The following C3orf49 variants were observed in gnomAD, a reference collection of about 807,000 sequenced individuals.
The protein encoded by C3orf49 is putative uncharacterized protein C3orf49.
Under a neutral mutation model 13.3 loss-of-function variants are expected in C3orf49, and 27 were observed. That is an observed-to-expected ratio of 2.02 (90% CI 1.49 to 2.79). The LOEUF (loss-of-function observed/expected upper bound fraction) is 2.79. Among genes scored for constraint, C3orf49 ranks in the 30% most tolerant of loss-of-function variants. The pLI is 0.00. For synonymous variants in C3orf49, 87 were observed against 47.6 expected (o/e 1.83, Z -3.40); for missense variants, 242 against 134.2 (o/e 1.80, Z -3.97).
At chr3:63,832,955 G>A (rs920885782) in intron 5 of C3orf49, 2 of 152,134 alleles carry the variant, frequency 1.3e-5, no homozygotes, top group African/African-American at 2.4e-5. Context: ...CATGCAAAGT[G>A]TCATGTTTCT....
the C3orf49 span, chr3:63,805,159 A>G: frequency 6.6e-6 from 1 of 152,170 alleles, no homozygotes. Context: ...GACTTTGGCA[A>G]TCTGTGTATA....
chr3:63,787,057 G>A, the C3orf49 span: 1 of 152,166 alleles, frequency 6.6e-6, no homozygotes. Flanking sequence ...AGAAGATTAA[G>A]CCCAGAAGAA....
At chr3:63,835,512 T>C in intron 5 of C3orf49, 2 of 743,726 alleles carry the variant, frequency 2.7e-6, no homozygotes, top group East Asian at 2.7e-5. Context: ...TAAGGAGTTA[T>C]AACACTCCAT....
At chr3:63,799,937 T>G in the C3orf49 span, among the ~76,000 whole-genome samples, 3 of 152,156 alleles carry the variant, frequency 2.0e-5, no homozygotes, top group Non-Finnish European at 2.9e-5. Context: ...TCTACCTGTG[T>G]ATAGCCAAGA....
At chr3:63,846,239 T>C (rs1042172021) in intron 6 of C3orf49, 4 of 450,850 alleles carry the variant, frequency 8.9e-6, no homozygotes, top group African/African-American at 8.0e-5. Flanking sequence ...AGTTAAACAG[T>C]TTCCTTATAA....
chr3:63,809,035 G>C, the C3orf49 span, among the ~76,000 whole-genome samples: 2 of 152,088 alleles, frequency 1.3e-5, no homozygotes, highest in African/African-American at 4.8e-5. Context: ...ATTTCATGAA[G>C]GTGGCTGCAA....
In C3orf49 at chr3:63,838,606, G is replaced by A. The variant is rs547896884; in HGVS notation, c.850-6417G>A. On this transcript the variant is annotated intron_variant, in intron 5 of 6. Transcript: ENST00000295896. ...CTAATTAAATTATAGCAAGTTCTGA[G>A]AGAATCATTTGCTTATTTAAAATTT... is the stretch of plus-strand genomic sequence containing the variant. 3.6e-6 allele frequency: 4 copies of A among 1,112,332 alleles called. No individual in the cohort carries two copies. The South Asian group carries it at 5.0e-5, about 14-fold the overall frequency. 68.9% of individuals were successfully genotyped at this position (1,112,332 alleles called of 1,614,324 possible). A position where few individuals can be genotyped will look rare whatever the true frequency, so the allele number is the denominator to read the frequency against.
intron 5 of C3orf49, among the ~76,000 whole-genome samples, chr3:63,841,262 T>C (rs1283006338): frequency 6.6e-6 from 1 of 152,224 alleles, no homozygotes; most frequent in East Asian, 1.9e-4. Flanking sequence ...AGACTATCCT[T>C]GGACAGATCC....
chr3:63,810,098 A>T, the C3orf49 span, among the ~76,000 whole-genome samples: 1 of 151,350 alleles, frequency 6.6e-6, no homozygotes, highest in African/African-American at 2.4e-5. Context: ...GTGAGCCGAG[A>T]TCACACCACT....
chr3:63,803,365 G>T, the C3orf49 span, among the ~76,000 whole-genome samples: 1 of 152,194 alleles, frequency 6.6e-6, no homozygotes, highest in African/African-American at 2.4e-5. Context: ...TGTGGGTCTT[G>T]AAATGTACAT....
At chr3:63,833,859 G>A (rs992399016) in intron 5 of C3orf49, 2 of 316,300 alleles carry the variant, frequency 6.3e-6, no homozygotes, top group Admixed American at 9.6e-5. Context: ...ATATTAATGA[G>A]CACAAACATA....
At chr3:63,821,087 C>A (rs1266858757) in intron 1 of C3orf49, among the ~76,000 whole-genome samples, 1 of 152,106 alleles carries the variant, frequency 6.6e-6, no homozygotes, top group Non-Finnish European at 1.5e-5. Flanking sequence ...CTTTTATTTT[C>A]ATAATTCTGA....
At chr3:63,812,624 C>T in the C3orf49 span, among the ~76,000 whole-genome samples, 466 of 152,106 alleles carry the variant, frequency 3.1e-3, 3 homozygotes, top group Admixed American at 5.0e-3. Context: ...CAGTTTGGCT[C>T]TTTTCCAATT....
intron 3 of C3orf49, among the ~76,000 whole-genome samples, chr3:63,829,138 C>G (rs537895568): frequency 8.2e-4 from 125 of 152,252 alleles, no homozygotes; most frequent in African/African-American, 2.7e-3. Context: ...TGCACTGATA[C>G]TAGTTTTGAA....
At chr3:63,843,826 G>A (rs759857067) in intron 5 of C3orf49, among the ~76,000 whole-genome samples, 8 of 152,164 alleles carry the variant, frequency 5.3e-5, no homozygotes, top group Middle Eastern at 3.4e-3. Context: ...GCGTGAACCC[G>A]GGAGGCGGAG....
chr3:63,819,007 C>T (rs1014999703), upstream of C3orf49, among the ~76,000 whole-genome samples: 1 of 152,208 alleles, frequency 6.6e-6, no homozygotes, highest in African/African-American at 2.4e-5. Flanking sequence ...TGTTAATCAG[C>T]GTATCGTTGG....
At chr3:63,804,089 C>T in the C3orf49 span, among the ~76,000 whole-genome samples, 2 of 151,932 alleles carry the variant, frequency 1.3e-5, no homozygotes, top group East Asian at 1.9e-4. Flanking sequence ...TGACAGGAGG[C>T]GGAGCTCAGG....
upstream of C3orf49, among the ~76,000 whole-genome samples, chr3:63,815,169 C>T (rs1701309854): frequency 6.6e-6 from 1 of 152,222 alleles, no homozygotes. Flanking sequence ...CACCAGGCCC[C>T]ACCTTCAACA....
rs1198643959 is a variant in C3orf49, at chr3:63,823,187, AT to A, written c.126-60del. ...CACATTTGAAGTTTGTGTTTTAATGATTTAAATTTTTCACTTTTAACTTTTC... is the reference window on the plus strand; with the variant it reads ...CACATTTGAAGTTTGTGTTTTAATGATTAAATTTTTCACTTTTAACTTTTC... On this transcript the variant is annotated intron_variant, in intron 1 of 6. Transcript: ENST00000295896. The A allele has an allele frequency of 8.3e-6, 5 of 601,212 alleles. No homozygotes were observed. In the African/African-American group the frequency reaches 9.3e-5, roughly 11 times the overall value. 37.2% of individuals were successfully genotyped at this position (601,212 alleles called of 1,614,324 possible).
Sources: allele counts gnomAD v4.1 joint callset (sites outside exome capture counted in the v4.1 genomes callset), GRCh38; gene constraint gnomAD v4.1.1; transcripts MANE v1.5; gene names NCBI Gene and HGNC (gene_info 2026-07-23, HGNC 2026-07-21).